HTT: variants seen among roughly 807,000 people sequenced by gnomAD.
HTT encodes huntington disease protein.
In HTT, 104 loss-of-function variants were observed where a neutral mutation model predicts 362.3. The observed-to-expected ratio is 0.29, with a 90% CI of 0.24 to 0.34. The LOEUF is 0.34. HTT is among the 10% of genes least tolerant of loss of function. The probability of loss-of-function intolerance (pLI) is 1.00; values close to 1 mark genes in which losing one functional copy is unlikely to be tolerated. For missense variants in HTT, 3,301 were observed against 3,928.6 expected (o/e 0.84, Z 4.27); for synonymous variants, 1,577 against 1,548.7 (o/e 1.02, Z -0.43).
At chr4:3,235,862 T>C in intron 63 of HTT, 84 bp downstream of exon 63, 1 of 1,064,602 alleles carries the variant, frequency 9.4e-7, no homozygotes, top group Non-Finnish European at 1.4e-6. Flanking sequence ...GGACCTCGAC[T>C]AGGTGCCCTC....
chr4:3,201,382 T>A (rs1473867730), intron 41 of HTT, among the ~76,000 whole-genome samples: 1 of 151,920 alleles, frequency 6.6e-6, no homozygotes, highest in Admixed American at 6.6e-5. Flanking sequence ...TAACAAAAAT[T>A]AGCCGAGCAT....
chr4:3,140,782 A>C (rs1716307913), intron 22 of HTT, 126 bp downstream of exon 22: 1 of 839,850 alleles, frequency 1.2e-6, no homozygotes, highest in Non-Finnish European at 1.8e-6. Context: ...GTTTGAGTGT[A>C]GGTCAGTCCT....
chr4:3,141,119 G>A (rs1716325633), intron 22 of HTT, among the ~76,000 whole-genome samples: 1 of 152,148 alleles, frequency 6.6e-6, no homozygotes, highest in Non-Finnish European at 1.5e-5. Context: ...TTTGAATATC[G>A]TGTCAAATGG....
intron 28 of HTT, among the ~76,000 whole-genome samples, chr4:3,158,366 ATTC>A (rs762468334): frequency 3.3e-5 from 5 of 152,256 alleles, no homozygotes; most frequent in East Asian, 3.9e-4. Flanking sequence ...TTTTCTGGAT[ATTC>A]TTCTTTATTG....
chr4:3,198,831 G>A (rs1719388493), intron 40 of HTT, among the ~76,000 whole-genome samples: 1 of 152,230 alleles, frequency 6.6e-6, no homozygotes, highest in Non-Finnish European at 1.5e-5. Flanking sequence ...CTGACCGCTT[G>A]GCCTGCCTAG....
intron 18 of HTT, among the ~76,000 whole-genome samples, chr4:3,133,536 A>C (rs957076176): frequency 4.6e-5 from 7 of 151,698 alleles, no homozygotes; most frequent in Admixed American, 1.3e-4. Flanking sequence ...AAAAAAAAAA[A>C]AAAAAAACCA....
At position 3,218,574 on chromosome 4, in the gene HTT, A is replaced by G. The variant is rs35537543; in HGVS notation, c.7242+622A>G. Among the ~76,000 whole-genome samples the G allele has an allele frequency of 1.9e-3, 283 of 152,268 alleles. 1 individual carries two copies. The highest frequency in any genetic ancestry group is 2.9e-3 in the Non-Finnish European group (199 of 68,026). On this transcript the variant is annotated intron_variant, in intron 52 of 66. Transcript: ENST00000355072. This position sits in a 1 kb window ranked among gnomAD's most constrained non-coding sequence, Gnocchi z 4.4. ...CTTGAACCCAGGAGGCGAAGGTTGC[A>G]GTAAGCCGAGATCGCGCCACTGCAC...
rs1210554604 is a variant in HTT at position 3,131,662 on chromosome 4, G to A, written c.2123G>A (p.Arg708Lys). Reference sequence around the variant, plus strand: ...GTGCTGGTTCCGGACAGGGATGTGAGGGTCAGCGTGAAGGCCCTGGCCCTC... The same window carrying A: ...GTGCTGGTTCCGGACAGGGATGTGAAGGTCAGCGTGAAGGCCCTGGCCCTC... ...KNVLVPDRDV[R>K]VSVKALALSC... Residue 708 changes from arginine to lysine, a missense_variant, in exon 16 of 67, where the codon AGG (arginine) becomes AAG (lysine). Physicochemically the swap from Arg to Lys is conservative, Grantham distance 26. Transcript: ENST00000355072. 1 of 1,613,936 alleles carries A rather than the reference G, an allele frequency of 6.2e-7. No homozygotes were observed. Among genetic ancestry groups the A allele is most frequent in the Non-Finnish European group, 8.5e-7 (1 of 1,179,996 alleles).
chr4:3,080,344 C>T (rs1223860548), intron 1 of HTT, among the ~76,000 whole-genome samples: 1 of 151,620 alleles, frequency 6.6e-6, no homozygotes, highest in African/African-American at 2.4e-5. Context: ...ATCCACTCGC[C>T]TCAGCCTGCC....
At chr4:3,225,802 C>T (rs1720884063) in intron 57 of HTT, 59 bp downstream of exon 57, 1 of 1,248,626 alleles carries the variant, frequency 8.0e-7, no homozygotes, top group Non-Finnish European at 1.1e-6. Context: ...GACTTTGGCG[C>T]TTGACACACC....
At chr4:3,220,444 A>G (rs1720620178) in intron 53 of HTT, 136 bp downstream of exon 53, 1 of 912,588 alleles carries the variant, frequency 1.1e-6, no homozygotes, top group Non-Finnish European at 1.7e-6. Context: ...ACCTATGTGA[A>G]TACATTTTGC....
At chr4:3,224,198 T>G in intron 56 of HTT, 67 bp downstream of exon 56, 3 of 1,524,482 alleles carry the variant, frequency 2.0e-6, no homozygotes, top group Non-Finnish European at 2.7e-6. Flanking sequence ...ACTGGCATGC[T>G]CACCACACCA....
At chr4:3,209,131 T>TA (rs1560594456) in intron 46 of HTT, among the ~76,000 whole-genome samples, 1 of 151,508 alleles carries the variant, frequency 6.6e-6, no homozygotes, top group Non-Finnish European at 1.5e-5. Flanking sequence ...GTGGGGTGAG[T>TA]AGTTAGTGGG....
chr4:3,082,857 T>C (rs1712990773), intron 1 of HTT, among the ~76,000 whole-genome samples: 1 of 152,084 alleles, frequency 6.6e-6, no homozygotes, highest in Admixed American at 6.6e-5. Context: ...CCATTGGTAG[T>C]GGGACTCGCT....
At chr4:3,160,168 G>T in intron 28 of HTT, 114 bp from the exon 29 acceptor site, 1 of 681,960 alleles carries the variant, frequency 1.5e-6, no homozygotes, top group South Asian at 1.7e-5. Flanking sequence ...GTGAGTGTAC[G>T]GCGCCGCACA....
intron 28 of HTT, 47 bp from the exon 29 acceptor site, chr4:3,160,235 T>C: frequency 8.1e-7 from 1 of 1,228,088 alleles, no homozygotes; most frequent in Non-Finnish European, 1.2e-6. Flanking sequence ...CATTATGAGA[T>C]CGTGACAGGG....
chr4:3,230,022 G>T lies in HTT; in HGVS notation c.8245G>T (p.Ala2749Ser). 1 of 1,614,094 alleles carries T rather than the reference G, an allele frequency of 6.2e-7. No individual in the cohort carries two copies. The highest frequency in any genetic ancestry group is 8.5e-7 in the Non-Finnish European group (1 of 1,179,936). ...AQYLVPATCK[A>S]AAVLGMDKAV... ...GTACCTGGTGCCTGCCACCTGCAAG[G>T]CAGCTGCCGTCCTTGGGATGGTAAG... Residue 2749 changes from alanine to serine, a missense_variant, in exon 60 of 67, where the codon GCA becomes TCA. Around this residue, in one of 4 missense-constraint regions of HTT, gnomAD observed 753 missense variants for 1,021.3 expected, o/e 0.74. Coordinates refer to ENST00000355072, the MANE Select transcript of HTT (RefSeq NM_001388492.1).
chr4:3,107,118 T>G (rs975132068), intron 5 of HTT, among the ~76,000 whole-genome samples, 167 bp from the exon 6 acceptor site: 1 of 152,200 alleles, frequency 6.6e-6, no homozygotes, highest in African/African-American at 2.4e-5. Flanking sequence ...CTCCCAACAC[T>G]TGAGCTTCAT....
At chr4:3,147,007 G>C in intron 25 of HTT, 59 bp downstream of exon 25, 1 of 1,539,240 alleles carries the variant, frequency 6.5e-7, no homozygotes, top group Non-Finnish European at 9.0e-7. Flanking sequence ...TCCTTAGGGG[G>C]AATGGGGGTG....
Sources: gnomAD v4.1 joint callset for allele counts (sites outside exome capture counted in the v4.1 genomes callset) on GRCh38, gnomAD v4.1.1 for gene constraint, gnomAD v4.1.1 regional missense constraint, Gnocchi (gnomAD v3.1) non-coding constraint, MANE v1.5 for transcripts, NCBI Gene and HGNC (gene_info 2026-07-23, HGNC 2026-07-21) for gene names.